AFP: variants seen among roughly 807,000 people sequenced by gnomAD.
The protein encoded by AFP is alpha-fetoprotein.
In AFP, 64 loss-of-function variants were observed where a neutral mutation model predicts 78.9. The observed-to-expected ratio is 0.81, with a 90% CI of 0.66 to 1.00. The LOEUF is 1.00. Among genes scored for constraint, AFP ranks in the 50% least tolerant of loss-of-function variants. The pLI, the probability that AFP is intolerant of heterozygous loss-of-function variation, is 0.00. For synonymous variants in AFP, 254 were observed against 243.8 expected, an observed-to-expected ratio of 1.04 and a Z score of -0.39; for missense variants, 689 against 703.8, an observed-to-expected ratio of 0.98 and a Z score of 0.24.
chr4:73,453,880 G>A lies in AFP; in HGVS notation c.1768G>A (p.Val590Ile), dbSNP rs142115366. The change falls in exon 13 of 15, where the codon GTC (valine) becomes ATC (isoleucine). Residue 590 changes from valine (V) to isoleucine (I), a missense_variant. Coordinates refer to ENST00000395792, the MANE Select transcript of AFP (RefSeq NM_001134.3). ...ATGCTGCCAAGGCCAGGAACAGGAA[G>A]TCTGCTTTGCTGAAGAGGTACATGC... ...EKCCQGQEQE[V>I]CFAEEGQKLI... 89 of 1,613,750 alleles carry A rather than the reference G, an allele frequency of 5.5e-5. No individual in the cohort carries two copies. The African/African-American group carries it at 1.1e-3, about 20-fold the overall frequency.
chr4:73,455,273 G>T lies in AFP; in HGVS notation c.1823G>T (p.Gly608Val). ...ATTTCAAAAACTCGTGCTGCTTTGGGAGTTTAAATTACTTCAGGTAACAAA... is the reference window on the plus strand; with the variant it reads ...ATTTCAAAAACTCGTGCTGCTTTGGTAGTTTAAATTACTTCAGGTAACAAA... The part of the protein sequence containing the change: ...KLISKTRAAL[G>V]V Residue 608 changes from glycine (G) to valine (V), a missense_variant, in exon 14 of 15, where the codon GGA becomes GTA. Physicochemically the swap from Gly to Val is moderately radical, Grantham distance 109. Transcript: ENST00000395792. 6.2e-7 allele frequency: 1 copy of T among 1,612,332 alleles called. No individual in the cohort carries two copies. Among genetic ancestry groups the T allele is most frequent in the South Asian group, 1.1e-5 (1 of 91,026 alleles).
chr4:73,438,079 T>C, intron 2 of AFP, 95 bp from the exon 3 acceptor site: 6 of 1,538,734 alleles, frequency 3.9e-6, no homozygotes, highest in Non-Finnish European at 5.3e-6. Context: ...ACAACATAAA[T>C]AGAAAACAAA....
intron 8 of AFP, among the ~76,000 whole-genome samples, chr4:73,448,799 A>G (rs561576743): frequency 4.6e-5 from 7 of 152,238 alleles, no homozygotes; most frequent in Non-Finnish European, 7.4e-5. Flanking sequence ...CTCTGTTCTG[A>G]TATCAGCTGC....
rs770221559 is a variant in AFP, at chr4:73,443,438, A to T, written c.707A>T (p.Gln236Leu). 2.5e-6 allele frequency: 4 copies of T among 1,603,616 alleles called. No homozygotes were observed. The South Asian group carries it at 3.3e-5, about 13-fold the overall frequency. The stretch of plus-strand genomic sequence containing the variant: ...AAAAATTTTGGGACCCGAACTTTCC[A>T]AGCCATGTAAGTTCAAGTTCTATCT... Reference protein sequence around the residue: ...VMKNFGTRTFQAITVTKLSQK... With the variant: ...VMKNFGTRTFLAITVTKLSQK... The change falls in exon 6 of 15, where the codon CAA becomes CTA. Residue 236 changes from glutamine to leucine, a missense_variant. By Grantham distance (113) the Gln-to-Leu change is moderately radical. Transcript: ENST00000395792.
intron 2 of AFP, among the ~76,000 whole-genome samples, chr4:73,437,686 A>T (rs76180452): frequency 0.012 from 1,849 of 152,192 alleles, 48 homozygotes; most frequent in African/African-American, 0.042. Context: ...AATTTAAAGT[A>T]GTGTGTTGCT....
intron 12 of AFP, 126 bp from the exon 13 acceptor site, chr4:73,453,638 TG>T: frequency 2.0e-6 from 2 of 1,022,384 alleles, no homozygotes; most frequent in Non-Finnish European, 3.0e-6. Flanking sequence ...AAGGTGTGTG[TG>T]GTCAGTCTGG....
intron 2 of AFP, 22 bp from the exon 3 acceptor site, chr4:73,438,152 T>C (rs751717529): frequency 6.2e-7 from 1 of 1,612,888 alleles, no homozygotes; most frequent in Non-Finnish European, 8.5e-7. Context: ...TCCTTAAGGA[T>C]TCACACGTAT....
At chr4:73,442,990 C>T (rs757227811) in intron 5 of AFP, among the ~76,000 whole-genome samples, 1 of 151,836 alleles carries the variant, frequency 6.6e-6, no homozygotes, top group African/African-American at 2.4e-5. Flanking sequence ...AGTGTCAAGC[C>T]GTGATACAAT....
chr4:73,450,776 C>T (rs1284771481), intron 11 of AFP, 23 bp downstream of exon 11: 2 of 1,613,464 alleles, frequency 1.2e-6, no homozygotes, highest in South Asian at 1.1e-5. Context: ...TTGGTTTGGT[C>T]CCATCTCATT....
chr4:73,438,087 A>C, intron 2 of AFP, 87 bp from the exon 3 acceptor site: 1 of 1,564,248 alleles, frequency 6.4e-7, no homozygotes, highest in South Asian at 1.2e-5. Context: ...AATAGAAAAC[A>C]AAACAAACAA....
intron 3 of AFP, among the ~76,000 whole-genome samples, chr4:73,439,441 T>C (rs1719601139): frequency 6.6e-6 from 1 of 152,316 alleles, no homozygotes; most frequent in Admixed American, 6.5e-5. Context: ...CTTTTCAAAA[T>C]GTGTATAAAA....
intron 3 of AFP, among the ~76,000 whole-genome samples, chr4:73,440,362 G>A (rs1347794259): frequency 6.6e-6 from 1 of 152,170 alleles, no homozygotes; most frequent in Non-Finnish European, 1.5e-5. Context: ...AATTGGGAAA[G>A]AGAAACAAAA....
chr4:73,451,111 G>A (rs1437497272), intron 11 of AFP, among the ~76,000 whole-genome samples: 1 of 152,074 alleles, frequency 6.6e-6, no homozygotes, highest in Admixed American at 6.5e-5. Context: ...TACTTACTTT[G>A]ATGTTTTAAA....
rs757920959 is a variant in AFP at position 73,452,550 on chromosome 4, C to T, written c.1578C>T (p.Phe526=). The change falls in exon 12 of 15, where the codon TTC becomes TTT. Residue 526 remains phenylalanine, a synonymous_variant. Coordinates refer to ENST00000395792, the MANE Select transcript of AFP (RefSeq NM_001134.3). Reference sequence around the variant, plus strand: ...ATGAAACATATGTCCCTCCTGCATTCTCTGATGACAAGTTCATTTTCCATA... The same window carrying T: ...ATGAAACATATGTCCCTCCTGCATTTTCTGATGACAAGTTCATTTTCCATA... ...VVDETYVPPA[F]SDDKFIFHKD... 6.2e-7 allele frequency: 1 copy of T among 1,614,034 alleles called. No homozygotes were observed. The highest frequency in any genetic ancestry group is 1.1e-5 in the South Asian group (1 of 91,068).
rs2149334617 is a variant in AFP at position 73,445,122 on chromosome 4, G to C, written c.843G>C (p.Gly281=). The C allele has an allele frequency of 6.2e-7, 1 of 1,613,752 alleles. No homozygotes were observed. The highest frequency in any genetic ancestry group is 2.2e-5 in the East Asian group (1 of 44,838). The change falls in exon 7 of 15, where the codon GGG becomes GGC. Residue 281 remains glycine, a splice_region_variant and synonymous_variant. Coordinates refer to ENST00000395792, the MANE Select transcript of AFP (RefSeq NM_001134.3). ...RGDVLDCLQD[G]EKIMSYICSQ... ...ATGTGCTGGATTGTCTGCAGGATGG[G>C]GTGAAGAGTCTTGCTTCTTAAAATA... is the stretch of plus-strand genomic sequence containing the variant.
intron 2 of AFP, among the ~76,000 whole-genome samples, chr4:73,437,645 C>A (rs1719545186): frequency 6.6e-6 from 1 of 151,982 alleles, no homozygotes; most frequent in Admixed American, 6.6e-5. Context: ...GGATGTCTTT[C>A]CATTCCACAT....
In AFP at chr4:73,440,685, A is replaced by G; in HGVS notation, c.354A>G (p.Glu118=). Residue 118 remains glutamate (E), a synonymous_variant, in exon 4 of 15, where the codon GAA becomes GAG. Transcript: ENST00000395792. ...ATTCAGACTGCTGCAGCCAAAGTGAAGAGGGAAGACATAACTGTTTTCTTG... is the reference window on the plus strand; with the variant it reads ...ATTCAGACTGCTGCAGCCAAAGTGAGGAGGGAAGACATAACTGTTTTCTTG... ...YGHSDCCSQS[E]EGRHNCFLAH... is the part of the protein sequence containing the mutation. 6.2e-7 allele frequency: 1 copy of G among 1,614,188 alleles called. No individual in the cohort carries two copies. The highest frequency in any genetic ancestry group is 1.6e-4 in the Middle Eastern group (1 of 6,062).
Position 73,438,162 on chromosome 4 carries a change from T to A in AFP, c.138-12T>A. On this transcript the variant is annotated splice_polypyrimidine_tract_variant and intron_variant, in intron 2 of 14. Transcript: ENST00000395792. ...TCTGTTCCTTAAGGATTCACACGTA[T>A]TTTTGTTTCAGGGCTACCATATTTT... 1 of 1,613,086 alleles carries A rather than the reference T, an allele frequency of 6.2e-7. No homozygotes were observed. Among genetic ancestry groups the A allele is most frequent in the Non-Finnish European group, 8.5e-7 (1 of 1,179,220 alleles).
Position 73,436,358 on chromosome 4 carries a change from T to C in AFP, c.85+11T>C. The C allele has an allele frequency of 6.7e-7, 1 of 1,500,934 alleles. No homozygotes were observed. The allele number at this position is 1,500,934 out of a possible 1,614,324, so 93.0% of individuals were successfully genotyped here. A position where few individuals can be genotyped will look rare whatever the true frequency, so the allele number is the denominator to read the frequency against. ...ATGAATATGGAATAGGTGAGATATT[T>C]TGTGTTTTTCTTGTCTTTTCTCTAT... is the stretch of plus-strand genomic sequence containing the variant. On this transcript the variant is annotated intron_variant, in intron 1 of 14. Transcript: ENST00000395792.
Sources: allele counts gnomAD v4.1 joint callset (sites outside exome capture counted in the v4.1 genomes callset), GRCh38; gene constraint gnomAD v4.1.1; transcripts MANE v1.5; gene names NCBI Gene and HGNC (gene_info 2026-07-23, HGNC 2026-07-21).